The following ADAMTS1 variants were observed in gnomAD, a reference collection of about 807,000 sequenced individuals.
ADAMTS1 encodes the protein ADAM metallopeptidase with thrombospondin type 1 motif 1.
A neutral mutation model predicts 87.9 loss-of-function variants in ADAMTS1; 19 were observed. That is an observed-to-expected ratio of 0.22 (90% CI 0.15 to 0.32). The LOEUF (loss-of-function observed/expected upper bound fraction) is 0.32, where lower values mean the gene tolerates loss of function less well. Among genes scored for constraint, ADAMTS1 ranks in the 10% least tolerant of loss-of-function variants. The pLI is 1.00. For synonymous variants in ADAMTS1, 542 were observed against 501.8 expected (o/e 1.08, Z -1.07); for missense variants, 1,240 against 1,259.1 (o/e 0.98, Z 0.23).
Position 26,837,734 on chromosome 21 carries a change from A to G in ADAMTS1, c.2749T>C (p.Trp917Arg). The change falls in exon 9 of 9, where the codon TGG becomes CGG. Residue 917 changes from tryptophan to arginine, a missense_variant. Physicochemically the swap from Trp to Arg is moderately radical, Grantham distance 101 (BLOSUM62 -3). This residue lies in a region of ADAMTS1 where 402 missense variants were observed against 399.1 expected (regional missense o/e 1.01). Coordinates refer to ENST00000284984, the MANE Select transcript of ADAMTS1 (RefSeq NM_006988.5). ...CCACAGGTCTTAGAACATGATGACC[A>G]CTCCCCCAGCTGCCACTGGGGGCAG... Reference protein sequence around the residue: ...HPCPQWQLGEWSSCSKTCGKG... With the variant: ...HPCPQWQLGERSSCSKTCGKG... 1 of 1,613,736 alleles carries G rather than the reference A, an allele frequency of 6.2e-7. No individual in the cohort carries two copies. The highest frequency in any genetic ancestry group is 8.5e-7 in the Non-Finnish European group (1 of 1,179,950).
intron 1 of ADAMTS1, among the ~76,000 whole-genome samples, chr21:26,844,016 G>A (rs1175833788): frequency 6.6e-6 from 1 of 152,134 alleles, no homozygotes; most frequent in Non-Finnish European, 1.5e-5. Flanking sequence ...TTTTTTCTTG[G>A]TTATTCATTA....
chr21:26,844,688 C>T lies in ADAMTS1; in HGVS notation c.267G>A (p.Leu89=). 2 of 1,594,384 alleles carry T rather than the reference C, an allele frequency of 1.3e-6. No homozygotes were observed. The highest frequency in any genetic ancestry group is 1.7e-6 in the Non-Finnish European group (2 of 1,171,028). The change falls in exon 1 of 9, where the codon CTG becomes CTA. Residue 89 remains leucine (L), a synonymous_variant. Coordinates refer to ENST00000284984, the MANE Select transcript of ADAMTS1 (RefSeq NM_006988.5). ...HAFDQQLDLE[L]RPDSSFLAPG... is the part of the protein sequence containing the mutation. ...GCGCCAAAAAGCTGCTGTCGGGCCGCAGCTCCAGATCCAGCTGCTGGTCAA... is the reference window on the plus strand; with the variant it reads ...GCGCCAAAAAGCTGCTGTCGGGCCGTAGCTCCAGATCCAGCTGCTGGTCAA...
chr21:26,843,802 T>A, intron 1 of ADAMTS1: 1 of 475,892 alleles, frequency 2.1e-6, no homozygotes, highest in Non-Finnish European at 4.2e-6. Flanking sequence ...GAGCGCAGGA[T>A]GCACGCACAG....
rs1985398526 is a variant in ADAMTS1 at position 26,837,712 on chromosome 21, C to T, written c.2771G>A (p.Cys924Tyr). 1 of 1,614,226 alleles carries T rather than the reference C, an allele frequency of 6.2e-7. No homozygotes were observed. The highest frequency in any genetic ancestry group is 8.5e-7 in the Non-Finnish European group (1 of 1,180,048). ...LGEWSSCSKT[C>Y]GKGYKKRSLK... ...GCTTCTTTTTTTGTAACCCTTCCCA[C>T]AGGTCTTAGAACATGATGACCACTC... Residue 924 changes from cysteine to tyrosine, a missense_variant, in exon 9 of 9, where the codon TGT becomes TAT. Cys to Tyr is a radical substitution (Grantham distance 194). Around this residue, in one of 3 missense-constraint regions of ADAMTS1, gnomAD observed 402 missense variants for 399.1 expected, o/e 1.01. Transcript: ENST00000284984.
rs377017080 is a variant in ADAMTS1 at position 26,844,937 on chromosome 21, G to C, written c.18C>G (p.Pro6=). The change falls in exon 1 of 9, where the codon CCC becomes CCG. Residue 6 remains proline, a synonymous_variant. Coordinates refer to ENST00000284984, the MANE Select transcript of ADAMTS1 (RefSeq NM_006988.5). The part of the protein sequence containing the change: MQRAV[P]EGFGRRKLGS... ...CCAGCTTGCGCCTTCCGAACCCCTC[G>C]GGCACAGCTCGCTGCATTGGAGCCC... The C allele has an allele frequency of 1.3e-6, 2 of 1,509,318 alleles. No individual in the cohort carries two copies. Among genetic ancestry groups the C allele is most frequent in the Non-Finnish European group, 1.8e-6 (2 of 1,131,010 alleles). 93.5% of individuals were successfully genotyped at this position (1,509,318 alleles called of 1,614,324 possible). A position where few individuals can be genotyped will look rare whatever the true frequency, so the allele number is the denominator to read the frequency against.
At position 26,840,420 on chromosome 21, in the gene ADAMTS1, G is replaced by A. The variant is rs769439852; in HGVS notation, c.1521C>T (p.Ser507=). 5 of 1,614,138 alleles carry A rather than the reference G, an allele frequency of 3.1e-6. No individual in the cohort carries two copies. The South Asian group carries it at 3.3e-5, about 11-fold the overall frequency. Reference sequence around the variant, plus strand: ...CAGAGGTGCCGGTACACCACAAGGTGCTACATGTGCTGGCTGCATCGGGGC... The same window carrying A: ...CAGAGGTGCCGGTACACCACAAGGTACTACATGTGCTGGCTGCATCGGGGC... ...KHCPDAASTC[S]TLWCTGTSGG... Residue 507 remains serine (S), a synonymous_variant, in exon 5 of 9, where the codon AGC becomes AGT. Coordinates refer to ENST00000284984, the MANE Select transcript of ADAMTS1 (RefSeq NM_006988.5).
At position 26,842,612 on chromosome 21, in the gene ADAMTS1, C is replaced by G; in HGVS notation, c.804G>C (p.Gln268His). ...CACTGCCGTGGAATTCTGCCATCGA[C>G]TGGTCTGCCACAAGCATGGTTTCCA... is the stretch of plus-strand genomic sequence containing the variant. ...RYVETMLVAD[Q>H]SMAEFHGSGL... Residue 268 changes from glutamine to histidine, a missense_variant, in exon 2 of 9, where the codon CAG (glutamine) becomes CAC (histidine). By Grantham distance (24) the Gln-to-His change is conservative (BLOSUM62 0). This residue lies in a region of ADAMTS1 where 521 missense variants were observed against 449.7 expected (regional missense o/e 1.16). Transcript: ENST00000284984. 1 of 1,614,048 alleles carries G rather than the reference C, an allele frequency of 6.2e-7. No individual in the cohort carries two copies. The highest frequency in any genetic ancestry group is 8.5e-7 in the Non-Finnish European group (1 of 1,180,028).
intron 3 of ADAMTS1, 69 bp downstream of exon 3, chr21:26,841,789 C>T (rs1200063395): frequency 6.6e-7 from 1 of 1,524,994 alleles, no homozygotes; most frequent in Non-Finnish European, 8.8e-7. Context: ...TACAGACTCT[C>T]CTTCTTATAT....
rs754953758 is a variant in ADAMTS1 at position 26,837,784 on chromosome 21, C to A, written c.2699G>T (p.Ser900Ile). 1 of 1,614,210 alleles carries A rather than the reference C, an allele frequency of 6.2e-7. No homozygotes were observed. The highest frequency in any genetic ancestry group is 8.5e-7 in the Non-Finnish European group (1 of 1,180,034). Residue 900 changes from serine (S) to isoleucine (I), a missense_variant, in exon 9 of 9, where the codon AGC becomes ATC. By Grantham distance (142) the Ser-to-Ile change is moderately radical (BLOSUM62 -2). This residue lies in a region of ADAMTS1 where 402 missense variants were observed against 399.1 expected (regional missense o/e 1.01). Transcript: ENST00000284984. ...GGGATGGTCTGCACAAGGTCTGGTGCTGGCTGGCTTCACTTCCTTTGCACA... is the reference window on the plus strand; with the variant it reads ...GGGATGGTCTGCACAAGGTCTGGTGATGGCTGGCTTCACTTCCTTTGCACA... ...SECAKEVKPA[S>I]TRPCADHPCP...
rs1181176778 is a variant in ADAMTS1, at chr21:26,838,018, G to C, written c.2465C>G (p.Thr822Ser). 1 of 1,614,208 alleles carries C rather than the reference G, an allele frequency of 6.2e-7. No individual in the cohort carries two copies. The highest frequency in any genetic ancestry group is 8.5e-7 in the Non-Finnish European group (1 of 1,180,026). The change falls in exon 9 of 9, where the codon ACC (threonine) becomes AGC (serine). Residue 822 changes from threonine to serine, a missense_variant. Physicochemically the swap from Thr to Ser is moderately conservative, Grantham distance 58. This residue lies in a region of ADAMTS1 where 402 missense variants were observed against 399.1 expected (regional missense o/e 1.01). Coordinates refer to ENST00000284984, the MANE Select transcript of ADAMTS1 (RefSeq NM_006988.5). ...RSFSPLKEPL[T>S]IQVLTVGNAL... is the part of the protein sequence containing the mutation. ...ATTGCCCACAGTAAGAACCTGGATG[G>C]TCAAGGGCTCTTTGAGAGGGCTAAA...
At position 26,838,545 on chromosome 21, in the gene ADAMTS1, C is replaced by T; in HGVS notation, c.2098G>A (p.Gly700Ser). ...VCVQGQCVKA[G>S]CDRIIDSKKK... is the part of the protein sequence containing the mutation. Reference sequence around the variant, plus strand: ...TTGGAGTCTATGATGCGATCACAACCAGCTTTTACACACTGTCCTTGCACA... The same window carrying T: ...TTGGAGTCTATGATGCGATCACAACTAGCTTTTACACACTGTCCTTGCACA... The change falls in exon 8 of 9, where the codon GGT (glycine) becomes AGT (serine). Residue 700 changes from glycine (G) to serine (S), a missense_variant. Gly to Ser is a moderately conservative substitution (Grantham distance 56). This residue lies in a region of ADAMTS1 where 402 missense variants were observed against 399.1 expected (regional missense o/e 1.01). Coordinates refer to ENST00000284984, the MANE Select transcript of ADAMTS1 (RefSeq NM_006988.5). The T allele has an allele frequency of 1.2e-6, 2 of 1,614,134 alleles. No individual in the cohort carries two copies. The highest frequency in any genetic ancestry group is 1.7e-6 in the Non-Finnish European group (2 of 1,180,036).
chr21:26,842,968 G>A, intron 1 of ADAMTS1: 2 of 426,558 alleles, frequency 4.7e-6, no homozygotes, highest in Non-Finnish European at 4.2e-6. Context: ...TCTGAACAAG[G>A]CAATTTCGCA....
At chr21:26,840,814 G>C (rs1013781474) in intron 4 of ADAMTS1, among the ~76,000 whole-genome samples, 184 bp downstream of exon 4, 1 of 152,198 alleles carries the variant, frequency 6.6e-6, no homozygotes, top group Non-Finnish European at 1.5e-5. Flanking sequence ...GGCTTTGGGA[G>C]CTACTCAACC....
At position 26,842,437 on chromosome 21, in the gene ADAMTS1, G is replaced by A. The variant is rs376426387; in HGVS notation, c.979C>T (p.Leu327Phe). The change falls in exon 2 of 9, where the codon CTC (leucine) becomes TTC (phenylalanine). Residue 327 changes from leucine to phenylalanine, a missense_variant. Transcript: ENST00000284984. ...CAGTTGCAAAAGTTCCGCAGAGTGA[G>A]GGCAGCATTGGAGGTCACTTCCGGC... ...KGPEVTSNAA[L>F]TLRNFCNWQK... The A allele has an allele frequency of 6.2e-7, 1 of 1,614,032 alleles. No individual in the cohort carries two copies. Among genetic ancestry groups the A allele is most frequent in the African/African-American group, 1.3e-5 (1 of 74,910 alleles).
chr21:26,841,105 T>A lies in ADAMTS1; in HGVS notation c.1271A>T (p.Asn424Ile), dbSNP rs1985484416. 1 of 1,614,036 alleles carries A rather than the reference T, an allele frequency of 6.2e-7. No individual in the cohort carries two copies. Among genetic ancestry groups the A allele is most frequent in the African/African-American group, 1.3e-5 (1 of 74,896 alleles). ...TGACGCCATCATGTGGGAATCCTGG[T>A]TCACACCATTAAGGCTGGCACACTG... ...AKQCASLNGV[N>I]QDSHMMASML... Residue 424 changes from asparagine to isoleucine, a missense_variant, in exon 4 of 9, where the codon AAC becomes ATC. Transcript: ENST00000284984.
chr21:26,835,812 A>G lies in ADAMTS1; in HGVS notation c.*1767T>C. The G allele has an allele frequency of 6.6e-6, 1 of 152,258 alleles. No homozygotes were observed. Among genetic ancestry groups the G allele is most frequent in the East Asian group, 1.9e-4 (1 of 5,198 alleles). The allele number at this position is 152,258 out of a possible 1,614,324, so 9.4% of individuals were successfully genotyped here. A position where few individuals can be genotyped will look rare whatever the true frequency, so the allele number is the denominator to read the frequency against. Reference sequence around the variant, plus strand: ...ACCAGGGTTGGCAAACTGAATCTGCAGAACAAATCTGACCCATTATTTGTT... The same window carrying G: ...ACCAGGGTTGGCAAACTGAATCTGCGGAACAAATCTGACCCATTATTTGTT... On this transcript the variant is annotated 3_prime_UTR_variant, in exon 9 of 9. Transcript: ENST00000284984.
rs1985575113 is a variant in ADAMTS1, at chr21:26,844,574, G to A, written c.381C>T (p.Gly127=). 6.2e-7 allele frequency: 1 copy of A among 1,611,052 alleles called. No homozygotes were observed. The highest frequency in any genetic ancestry group is 8.5e-7 in the Non-Finnish European group (1 of 1,178,910). The part of the protein sequence containing the change: ...ETDLAHCFYS[G]TVNGDPSSAA... The stretch of plus-strand genomic sequence containing the variant: ...CCGAGCTGGGATCGCCATTCACGGT[G>A]CCGGAGTAGAAGCAGTGCGCCAGGT... Residue 127 remains glycine (G), a synonymous_variant, in exon 1 of 9, where the codon GGC becomes GGT. Coordinates refer to ENST00000284984, the MANE Select transcript of ADAMTS1 (RefSeq NM_006988.5).
intron 3 of ADAMTS1, chr21:26,841,397 T>C: frequency 4.9e-6 from 2 of 411,980 alleles, no homozygotes; most frequent in Non-Finnish European, 8.7e-6. Flanking sequence ...CAGAATCGCT[T>C]GAACCCAGGA....
rs779002156 is a variant in ADAMTS1, at chr21:26,838,191, A to C, written c.2292T>G (p.Asn764Lys). 70 of 1,614,040 alleles carry C rather than the reference A, an allele frequency of 4.3e-5. No homozygotes were observed. The East Asian group carries it at 1.4e-3, about 31-fold the overall frequency. ...KQRNQRGSRN[N>K]GSFLAIKAAD... ...CAGCTTTGATGGCAAGAAAGCTGCC[A>C]TTGTTCCTGGATCCCCTCTGGTTCC... Residue 764 changes from asparagine to lysine, a missense_variant, in exon 9 of 9, where the codon AAT becomes AAG. Around this residue, in one of 3 missense-constraint regions of ADAMTS1, gnomAD observed 402 missense variants for 399.1 expected, o/e 1.01. Coordinates refer to ENST00000284984, the MANE Select transcript of ADAMTS1 (RefSeq NM_006988.5).
Sources: gnomAD v4.1 joint callset for allele counts (sites outside exome capture counted in the v4.1 genomes callset) on GRCh38, gnomAD v4.1.1 for gene constraint, gnomAD v4.1.1 regional missense constraint, MANE v1.5 for transcripts, NCBI Gene and HGNC (gene_info 2026-07-23, HGNC 2026-07-21) for gene names.